HTR7: variants seen among roughly 807,000 people sequenced by gnomAD.
HTR7 encodes 5-HT-7.
Under a neutral mutation model 34.0 loss-of-function variants are expected in HTR7, and 16 were observed. The ratio of observed to expected loss-of-function variants is 0.47; its 90% confidence interval spans 0.32 to 0.71. The LOEUF is 0.71. Ranked by LOEUF, HTR7 falls within the 30% of genes least tolerant of loss-of-function variation. The pLI is 0.04. For missense variants in HTR7, 504 were observed against 625.5 expected (o/e 0.81, Z 2.07); for synonymous variants, 265 against 260.2 (o/e 1.02, Z -0.18).
chr10:90,844,598 G>A (rs1289312753), intron 1 of HTR7, among the ~76,000 whole-genome samples: 1 of 151,242 alleles, frequency 6.6e-6, no homozygotes. Context: ...GTGGTGGTGG[G>A]AGCCTGTAGT....
intron 1 of HTR7, among the ~76,000 whole-genome samples, chr10:90,778,608 CAG>C (rs1164192449): frequency 3.9e-5 from 6 of 152,182 alleles, no homozygotes; most frequent in African/African-American, 1.4e-4. Context: ...CATCCTAAAA[CAG>C]AGACTGTACT....
chr10:90,786,647 C>T (rs1845384744), intron 1 of HTR7, among the ~76,000 whole-genome samples: 1 of 152,130 alleles, frequency 6.6e-6, no homozygotes, highest in Non-Finnish European at 1.5e-5. Context: ...TGTAAAATGC[C>T]ATTTTTCAGG....
At chr10:90,782,981 G>A (rs1036938969) in intron 1 of HTR7, among the ~76,000 whole-genome samples, 17 of 152,098 alleles carry the variant, frequency 1.1e-4, no homozygotes, top group African/African-American at 3.9e-4. Context: ...TGGTGGAAGT[G>A]CCTTGTTTCC....
Position 90,857,384 on chromosome 10 carries a change from G to A in HTR7, c.288C>T (p.Ile96=), listed in dbSNP as rs767671935. The A allele has an allele frequency of 1.9e-6, 3 of 1,614,108 alleles. No homozygotes were observed. The highest frequency in any genetic ancestry group is 2.5e-6 in the Non-Finnish European group (3 of 1,180,018). Residue 96 remains isoleucine (I), a synonymous_variant, in exon 1 of 4, where the codon ATC becomes ATT. Coordinates refer to ENST00000336152, the MANE Select transcript of HTR7 (RefSeq NM_019859.4). The surrounding 1 kb of genome is among the most constrained non-coding windows in gnomAD (Gnocchi z 6.5). ...AGATCACCACCAGGCAGTTGCCCGC[G>A]ATCGTCAGCAGCGTGATGAGCGTCA... ...SILTLITLLT[I]AGNCLVVISV...
chr10:90,811,968 C>T (rs1043068635), intron 1 of HTR7, among the ~76,000 whole-genome samples: 36 of 152,298 alleles, frequency 2.4e-4, no homozygotes, highest in African/African-American at 8.2e-4. Context: ...TCTTAGTATT[C>T]AGTGAAACCT....
At chr10:90,743,488 A>G in intron 3 of HTR7, 105 bp downstream of exon 3, 3 of 903,086 alleles carry the variant, frequency 3.3e-6, no homozygotes, top group Non-Finnish European at 3.6e-6. Context: ...CACAGGAGAG[A>G]CAGTGCTTTC....
At chr10:90,780,913 T>C (rs755162154) in intron 1 of HTR7, among the ~76,000 whole-genome samples, 11 of 152,310 alleles carry the variant, frequency 7.2e-5, no homozygotes, top group African/African-American at 1.9e-4. Flanking sequence ...AAGAGTTCCA[T>C]TGGTTTGAAG....
At chr10:90,755,557 T>G (rs1287985519) in intron 1 of HTR7, among the ~76,000 whole-genome samples, 2 of 152,208 alleles carry the variant, frequency 1.3e-5, no homozygotes, top group African/African-American at 4.8e-5. Context: ...CATAACCCAT[T>G]AATGGATCAA....
intron 2 of HTR7, among the ~76,000 whole-genome samples, chr10:90,746,298 A>G (rs1050439878): frequency 3.3e-5 from 5 of 152,242 alleles, no homozygotes; most frequent in Admixed American, 3.3e-4. Flanking sequence ...GCTACATTTT[A>G]AAGATTACCA....
At chr10:90,763,988 T>A (rs1182756952) in intron 1 of HTR7, among the ~76,000 whole-genome samples, 3 of 152,328 alleles carry the variant, frequency 2.0e-5, no homozygotes, top group East Asian at 1.9e-4. Context: ...ATGGGATTGC[T>A]GGGTCAAATG....
chr10:90,798,063 G>A (rs1370273914), intron 1 of HTR7, among the ~76,000 whole-genome samples: 1 of 152,128 alleles, frequency 6.6e-6, no homozygotes, highest in Admixed American at 6.5e-5. Context: ...TCACCTCTTA[G>A]TGGTCCCACC....
At chr10:90,778,737 G>T (rs1176503516) in intron 1 of HTR7, among the ~76,000 whole-genome samples, 2 of 152,116 alleles carry the variant, frequency 1.3e-5, no homozygotes, top group African/African-American at 4.8e-5. Context: ...AATTTAGGTG[G>T]CTTTCCACTT....
At chr10:90,781,346 G>T (rs978646272) in intron 1 of HTR7, among the ~76,000 whole-genome samples, 1 of 152,082 alleles carries the variant, frequency 6.6e-6, no homozygotes, top group African/African-American at 2.4e-5. Flanking sequence ...TGAGAATAAG[G>T]AATTTAAGCC....
chr10:90,763,965 T>A (rs1270690723), intron 1 of HTR7, among the ~76,000 whole-genome samples: 2 of 152,200 alleles, frequency 1.3e-5, no homozygotes, highest in Non-Finnish European at 2.9e-5. Context: ...TTCCTTTGGG[T>A]ATATACCCAG....
At chr10:90,823,336 T>C (rs1480717263) in intron 1 of HTR7, among the ~76,000 whole-genome samples, 2 of 152,170 alleles carry the variant, frequency 1.3e-5, no homozygotes, top group African/African-American at 2.4e-5. Flanking sequence ...AAATGAGACA[T>C]GGAGTCAAAG....
intron 1 of HTR7, among the ~76,000 whole-genome samples, chr10:90,810,478 C>T (rs2119963629): frequency 6.6e-6 from 1 of 150,708 alleles, no homozygotes; most frequent in South Asian, 2.1e-4. Context: ...TACAGCATGG[C>T]CTTTTAAAGC....
intron 1 of HTR7, among the ~76,000 whole-genome samples, chr10:90,824,636 C>G (rs145383559): frequency 1.3e-5 from 2 of 152,188 alleles, no homozygotes; most frequent in African/African-American, 4.8e-5. Context: ...CAGAGGGGAA[C>G]ATATTTCCCT....
At chr10:90,806,325 G>A (rs112898595) in intron 1 of HTR7, among the ~76,000 whole-genome samples, 256 of 152,292 alleles carry the variant, frequency 1.7e-3, no homozygotes, top group African/African-American at 5.5e-3. Flanking sequence ...TAGGCTGGGC[G>A]CGGTGGCTCA....
chr10:90,741,328 T>C lies in HTR7; in HGVS notation c.*1154A>G, dbSNP rs1379382324. On this transcript the variant is annotated 3_prime_UTR_variant, in exon 4 of 4. Transcript: ENST00000336152. ...ATATCTGCAAAGAGACCTTTTCTGT[T>C]TCCTCACCTGCCTTTCATGTCTACC... 1 of 152,640 alleles carries C rather than the reference T, an allele frequency of 6.6e-6. No homozygotes were observed. The highest frequency in any genetic ancestry group is 1.5e-5 in the Non-Finnish European group (1 of 68,034). 9.5% of individuals were successfully genotyped at this position (152,640 alleles called of 1,614,324 possible). A position where few individuals can be genotyped will look rare whatever the true frequency, so the allele number is the denominator to read the frequency against.
Sources: allele counts gnomAD v4.1 joint callset (sites outside exome capture counted in the v4.1 genomes callset), GRCh38; gene constraint gnomAD v4.1.1; non-coding constraint Gnocchi (gnomAD v3.1); transcripts MANE v1.5; gene names NCBI Gene and HGNC (gene_info 2026-07-23, HGNC 2026-07-21).